CIB1: variants seen among roughly 807,000 people sequenced by gnomAD.
The protein encoded by CIB1 is calcium and integrin binding 1, also known as calcium and integrin-binding protein 1.
CIB1 carries 19 observed loss-of-function variants against 25.0 expected under a neutral mutation model. That is an observed-to-expected ratio of 0.76 (90% CI 0.53 to 1.12). CIB1 has a LOEUF of 1.12. Among genes scored for constraint, CIB1 ranks in the 50% most tolerant of loss-of-function variants. The probability of loss-of-function intolerance (pLI) is 0.00; values close to 1 mark genes in which losing one functional copy is unlikely to be tolerated. For missense variants in CIB1, 236 were observed against 242.6 expected, an observed-to-expected ratio of 0.97 and a Z score of 0.18; for synonymous variants, 104 against 98.5, an observed-to-expected ratio of 1.06 and a Z score of -0.33.
At chr15:90,261,855 C>A in the CIB1 span, 1 of 586,648 alleles carries the variant, frequency 1.7e-6, no homozygotes, top group Non-Finnish European at 2.9e-6. Context: ...TGGGGCTAGC[C>A]AAAGATGGGC....
At chr15:90,262,939 T>C in the CIB1 span, 1 of 1,529,400 alleles carries the variant, frequency 6.5e-7, no homozygotes. Flanking sequence ...TTGGAGATCC[T>C]GCATTTATCT....
At chr15:90,265,154 A>T in the CIB1 span, 1 of 1,242,486 alleles carries the variant, frequency 8.0e-7, no homozygotes, top group Non-Finnish European at 1.1e-6. Flanking sequence ...TTAATTGGGG[A>T]TCGGTAAAGA....
the CIB1 span, chr15:90,265,726 T>G: frequency 6.2e-7 from 1 of 1,613,314 alleles, no homozygotes; most frequent in Non-Finnish European, 8.5e-7. Flanking sequence ...GCGGTTACCC[T>G]GAGTCTCTTG....
chr15:90,231,679 C>T (rs1385940545), intron 3 of CIB1, among the ~76,000 whole-genome samples, 172 bp from the exon 4 acceptor site: 1 of 152,190 alleles, frequency 6.6e-6, no homozygotes, highest in Non-Finnish European at 1.5e-5. Context: ...GGAAAGCAAA[C>T]TGACCCAGCT....
At chr15:90,265,585 C>G in the CIB1 span, 1 of 1,407,122 alleles carries the variant, frequency 7.1e-7, no homozygotes, top group African/African-American at 1.4e-5. Context: ...AGATCTTACC[C>G]CCACCAAGTG....
At chr15:90,245,828 A>G in the CIB1 span, 2 of 152,180 alleles carry the variant, frequency 1.3e-5, no homozygotes, top group African/African-American at 4.8e-5. Context: ...AGCTATTTAT[A>G]TGCTTTGTGA....
chr15:90,249,214 CAAAAAAA>C, the CIB1 span, among the ~76,000 whole-genome samples: 15 of 88,202 alleles, frequency 1.7e-4, no homozygotes, highest in African/African-American at 6.3e-4. Flanking sequence ...GACCCCGTCT[CAAAAAAA>C]AAAAAAAAAA....
chr15:90,230,292 C>T lies in CIB1; in HGVS notation c.*192G>A, dbSNP rs563790691. The T allele has an allele frequency of 1.0e-3, 645 of 630,224 alleles. 4 individuals carry two copies. Among genetic ancestry groups the T allele is most frequent in the Non-Finnish European group, 1.6e-3 (545 of 350,538 alleles). The allele number at this position is 630,224 out of a possible 1,614,324, so 39.0% of individuals were successfully genotyped here. A position where few individuals can be genotyped will look rare whatever the true frequency, so the allele number is the denominator to read the frequency against. ...TATTACTGATTAGTACAAACACAAA[C>T]GGAGCAATGACAACAGCAGTGAGGA... On this transcript the variant is annotated 3_prime_UTR_variant, in exon 7 of 7. Coordinates refer to ENST00000328649, the MANE Select transcript of CIB1 (RefSeq NM_006384.4).
intron 2 of CIB1, 36 bp downstream of exon 2, chr15:90,233,633 C>T (rs781072973): frequency 6.4e-7 from 1 of 1,562,126 alleles, no homozygotes; most frequent in Non-Finnish European, 8.7e-7. Context: ...TCTAGAGGAT[C>T]CCGGGGTCGG....
the CIB1 span, among the ~76,000 whole-genome samples, chr15:90,252,984 G>A: frequency 5.3e-5 from 8 of 152,084 alleles, no homozygotes; most frequent in African/African-American, 1.4e-4. Flanking sequence ...GCACAAGGGC[G>A]AAACTCCGTC....
the CIB1 span, chr15:90,253,312 A>G: frequency 6.2e-7 from 1 of 1,613,678 alleles, no homozygotes; most frequent in Non-Finnish European, 8.5e-7. Flanking sequence ...TGGACTCTGT[A>G]CTGGACAGAC....
the CIB1 span, chr15:90,240,742 G>T: frequency 1.7e-6 from 1 of 574,378 alleles, no homozygotes. Flanking sequence ...GAACCCAGGA[G>T]GCGGAGGTTA....
the CIB1 span, among the ~76,000 whole-genome samples, chr15:90,254,190 T>TG: frequency 5.5e-5 from 5 of 90,956 alleles, no homozygotes; most frequent in East Asian, 4.7e-4. Context: ...GAGACCCTGT[T>TG]TTTTTTTTTT....
chr15:90,255,673 C>T, the CIB1 span: 5 of 1,592,230 alleles, frequency 3.1e-6, no homozygotes, highest in Non-Finnish European at 4.3e-6. Context: ...CTTCCCAATC[C>T]TCCTCCACTG....
upstream of CIB1, among the ~76,000 whole-genome samples, chr15:90,238,961 G>C (rs1962690490): frequency 6.6e-6 from 1 of 152,038 alleles, no homozygotes; most frequent in Admixed American, 6.6e-5. Flanking sequence ...ACCAAAACCT[G>C]AGCCATGGAC....
chr15:90,248,142 G>A, the CIB1 span, among the ~76,000 whole-genome samples: 2 of 151,854 alleles, frequency 1.3e-5, no homozygotes, highest in African/African-American at 2.4e-5. Context: ...CCATGCTCAA[G>A]AGATCCTCAC....
chr15:90,230,765 A>C (rs1221622561), intron 6 of CIB1, among the ~76,000 whole-genome samples, 169 bp downstream of exon 6: 1 of 152,036 alleles, frequency 6.6e-6, no homozygotes, highest in Non-Finnish European at 1.5e-5. Flanking sequence ...AGGTCTTGAC[A>C]AGGAGGGCTG....
chr15:90,256,691 T>C, the CIB1 span, among the ~76,000 whole-genome samples: 1 of 151,008 alleles, frequency 6.6e-6, no homozygotes, highest in Non-Finnish European at 1.5e-5. Context: ...TCTCTCTACC[T>C]CTCTCTCTCT....
the CIB1 span, chr15:90,262,895 G>A: frequency 6.9e-7 from 1 of 1,454,472 alleles, no homozygotes; most frequent in Non-Finnish European, 9.2e-7. Flanking sequence ...CAGGAGGCCT[G>A]TAGCCATCCT....
Sources: gnomAD v4.1 joint callset for allele counts (sites outside exome capture counted in the v4.1 genomes callset) on GRCh38, gnomAD v4.1.1 for gene constraint, MANE v1.5 for transcripts, NCBI Gene and HGNC (gene_info 2026-07-23, HGNC 2026-07-21) for gene names.